Variants in ADAMTSL1 observed in about 807,000 individuals in gnomAD.
ADAMTSL1 encodes ADAMTS-like protein 1.
In ADAMTSL1, 126 loss-of-function variants were observed where a neutral mutation model predicts 201.8. The observed-to-expected ratio is 0.62, with a 90% CI of 0.54 to 0.72. ADAMTSL1 has a LOEUF of 0.72. Ranked by LOEUF, ADAMTSL1 falls within the 30% of genes least tolerant of loss-of-function variation. The pLI, the probability that ADAMTSL1 is intolerant of heterozygous loss-of-function variation, is 0.00. For synonymous variants in ADAMTSL1, 1,121 were observed against 903.4 expected, an observed-to-expected ratio of 1.24 and a Z score of -4.32; for missense variants, 2,679 against 2,277.8, an observed-to-expected ratio of 1.18 and a Z score of -3.59.
intron 1 of ADAMTSL1, among the ~76,000 whole-genome samples, chr9:17,983,378 C>G (rs562219028): frequency 6.6e-6 from 1 of 152,114 alleles, no homozygotes; most frequent in African/African-American, 2.4e-5. Flanking sequence ...CCCTTTTCAA[C>G]TTTTAAAGAA....
At chr9:18,461,040 A>T (rs1356759439) in intron 2 of ADAMTSL1, among the ~76,000 whole-genome samples, 1 of 152,218 alleles carries the variant, frequency 6.6e-6, no homozygotes, top group East Asian at 1.9e-4. Flanking sequence ...CTAATTTTTA[A>T]CAAATGTAAC....
chr9:18,674,223 A>ACAC (rs1564139447), intron 9 of ADAMTSL1, among the ~76,000 whole-genome samples: 32,836 of 130,438 alleles, frequency 0.25, 4,262 homozygotes, highest in Non-Finnish European at 0.34. Context: ...CACACACACA[A>ACAC]ACACACACAT....
chr9:18,200,572 T>G (rs936207484), intron 2 of ADAMTSL1, among the ~76,000 whole-genome samples: 43 of 152,176 alleles, frequency 2.8e-4, no homozygotes, highest in Middle Eastern at 3.4e-3. Flanking sequence ...TGGGTTATTA[T>G]ATGCATCCTT....
chr9:18,085,354 T>C (rs181563655), intron 1 of ADAMTSL1, among the ~76,000 whole-genome samples: 36 of 152,168 alleles, frequency 2.4e-4, no homozygotes, highest in African/African-American at 8.7e-4. Context: ...AAAGTAATAG[T>C]ATCTTCTTCA....
chr9:18,836,885 T>C (rs1244414498), intron 23 of ADAMTSL1, among the ~76,000 whole-genome samples: 1 of 152,222 alleles, frequency 6.6e-6, no homozygotes, highest in Admixed American at 6.5e-5. Context: ...TAAATGGCAT[T>C]GCATTCTTGA....
intron 1 of ADAMTSL1, among the ~76,000 whole-genome samples, chr9:18,064,953 GA>G (rs1822626881): frequency 1.2e-5 from 1 of 84,690 alleles, no homozygotes; most frequent in East Asian, 4.1e-4. Context: ...ATTTGCTAAA[GA>G]TTTTTTTTTT....
intron 2 of ADAMTSL1, among the ~76,000 whole-genome samples, chr9:18,254,022 TATC>T (rs900339111): frequency 3.3e-5 from 5 of 152,102 alleles, no homozygotes; most frequent in African/African-American, 7.2e-5. Flanking sequence ...GTAGACCAGA[TATC>T]ATCGTGTTTG....
chr9:18,305,829 G>GAACAGTTA (rs1833887779), intron 2 of ADAMTSL1, among the ~76,000 whole-genome samples: 1 of 152,110 alleles, frequency 6.6e-6, no homozygotes, highest in South Asian at 2.1e-4. Flanking sequence ...GAGAGCAGTG[G>GAACAGTTA]ATCACGCAGC....
chr9:18,295,155 C>T (rs1833427236), intron 2 of ADAMTSL1, among the ~76,000 whole-genome samples: 2 of 152,126 alleles, frequency 1.3e-5, no homozygotes, highest in South Asian at 4.2e-4. Context: ...TAGAATGGGC[C>T]ACGCAACTTT....
intron 26 of ADAMTSL1, among the ~76,000 whole-genome samples, chr9:18,904,633 CAAAAAAAAAAAAAAAAA>C (rs71333072): frequency 5.3e-4 from 8 of 15,006 alleles, no homozygotes; most frequent in East Asian, 5.8e-3. Context: ...GACCCTGCCT[CAAAAAAAAAAAAAAAAA>C]AAAAAAAAAA....
chr9:17,947,211 AAC>A (rs1827526137), intron 1 of ADAMTSL1, among the ~76,000 whole-genome samples: 1 of 151,232 alleles, frequency 6.6e-6, no homozygotes, highest in Non-Finnish European at 1.5e-5. Flanking sequence ...AGTAATTAAA[AAC>A]ACAGTCTGTT....
At chr9:17,976,731 C>G (rs920735947) in intron 1 of ADAMTSL1, among the ~76,000 whole-genome samples, 41 of 149,912 alleles carry the variant, frequency 2.7e-4, no homozygotes, top group African/African-American at 1.0e-3. Flanking sequence ...CCCTCCCTCC[C>G]TGCCCCCTGC....
At chr9:18,196,200 C>T (rs1829170912) in intron 2 of ADAMTSL1, among the ~76,000 whole-genome samples, 1 of 152,066 alleles carries the variant, frequency 6.6e-6, no homozygotes, top group Non-Finnish European at 1.5e-5. Flanking sequence ...TTCCTACCCA[C>T]TCCTAAACAA....
intron 1 of ADAMTSL1, among the ~76,000 whole-genome samples, chr9:17,960,092 G>A (rs1298308163): frequency 3.3e-5 from 5 of 152,140 alleles, no homozygotes; most frequent in African/African-American, 9.7e-5. Context: ...ATGATCCTTA[G>A]CTCCTTCTTT....
At chr9:18,023,562 G>T (rs1820567609) in intron 1 of ADAMTSL1, among the ~76,000 whole-genome samples, 1 of 152,124 alleles carries the variant, frequency 6.6e-6, no homozygotes, top group South Asian at 2.1e-4. Flanking sequence ...CATTAACACT[G>T]AAACTTACAT....
chr9:18,394,051 T>C (rs545998086), intron 2 of ADAMTSL1, among the ~76,000 whole-genome samples: 12 of 152,338 alleles, frequency 7.9e-5, no homozygotes, highest in African/African-American at 2.2e-4. Flanking sequence ...TAATTACCAA[T>C]TGTCCTGACT....
At chr9:17,918,273 G>A (rs10733345) in intron 1 of ADAMTSL1, among the ~76,000 whole-genome samples, 131,520 of 151,632 alleles carry the variant, frequency 0.87, 57,160 homozygotes, top group East Asian at 0.94. Flanking sequence ...CTCAAACACA[G>A]ATGTTTAATG....
chr9:18,041,990 A>G (rs1026707475), intron 1 of ADAMTSL1, among the ~76,000 whole-genome samples: 1 of 151,668 alleles, frequency 6.6e-6, no homozygotes, highest in Non-Finnish European at 1.5e-5. Context: ...AATTTTGGTT[A>G]TATATTGTTT....
intron 1 of ADAMTSL1, among the ~76,000 whole-genome samples, chr9:18,041,866 C>T (rs1246901519): frequency 2.6e-5 from 4 of 152,082 alleles, no homozygotes; most frequent in Non-Finnish European, 4.4e-5. Context: ...TACTTTATGT[C>T]TTTGCTATTC....
Sources: gnomAD v4.1 joint callset for allele counts (sites outside exome capture counted in the v4.1 genomes callset) on GRCh38, gnomAD v4.1.1 for gene constraint, MANE v1.5 for transcripts, NCBI Gene and HGNC (gene_info 2026-07-23, HGNC 2026-07-21) for gene names.